ATXN10: variants seen among roughly 807,000 people sequenced by gnomAD.
The protein encoded by ATXN10 is ataxin 10, also known as ataxin-10.
Under a neutral mutation model 52.9 loss-of-function variants are expected in ATXN10, and 28 were observed. The ratio of observed to expected loss-of-function variants is 0.53; its 90% CI spans 0.39 to 0.73. ATXN10 has a LOEUF of 0.73. ATXN10 is among the 30% of genes least tolerant of loss of function. The probability of loss-of-function intolerance (pLI) is 0.00; values close to 1 mark genes in which losing one functional copy is unlikely to be tolerated. For missense variants in ATXN10, 565 were observed against 577.0 expected (o/e 0.98, Z 0.21); for synonymous variants, 226 against 221.5 (o/e 1.02, Z -0.18).
intron 9 of ATXN10, among the ~76,000 whole-genome samples, chr22:45,741,139 G>A (rs540680763): frequency 3.3e-5 from 5 of 152,198 alleles, no homozygotes; most frequent in South Asian, 4.1e-4. Flanking sequence ...GTTTTACTTC[G>A]GGTGGCATTT....
At chr22:45,793,261 G>A (rs1469638148) in intron 9 of ATXN10, 1 of 161,698 alleles carries the variant, frequency 6.2e-6, no homozygotes, top group Non-Finnish European at 1.4e-5. Flanking sequence ...GCATCTCCTA[G>A]TCAGTTGTGA....
intron 6 of ATXN10, among the ~76,000 whole-genome samples, chr22:45,724,061 TCA>T (rs2146782221): frequency 7.3e-6 from 1 of 136,870 alleles, no homozygotes; most frequent in East Asian, 2.2e-4. Flanking sequence ...TATATATATA[TCA>T]CGTTTTCTTT....
intron 9 of ATXN10, among the ~76,000 whole-genome samples, chr22:45,751,763 A>AAAAAAAAAAATAAT: frequency 1.5e-4 from 10 of 66,628 alleles, no homozygotes; most frequent in South Asian, 3.8e-4. Context: ...AATAAAAAAA[A>AAAAAAAAAAATAAT]AATAATAATA....
At position 45,811,644 on chromosome 22, in the gene ATXN10, A is replaced by C. The variant is rs1223513014; in HGVS notation, c.1237+4622A>C. The C allele has an allele frequency of 1.1e-4, 49 of 457,776 alleles. 1 individual carries two copies. Among genetic ancestry groups the C allele is most frequent in the South Asian group, 7.4e-4 (46 of 61,960 alleles). 28.4% of individuals were successfully genotyped at this position (457,776 alleles called of 1,614,324 possible). On this transcript the variant is annotated intron_variant, in intron 10 of 11. Coordinates refer to ENST00000252934, the MANE Select transcript of ATXN10 (RefSeq NM_013236.4). ...AGGTTACTAGGTAATATAGCCTAGA[A>C]TGTGAGTACATTCTGTGATGTTCAC...
At chr22:45,834,929 C>T (rs936054607) in intron 10 of ATXN10, among the ~76,000 whole-genome samples, 1 of 152,178 alleles carries the variant, frequency 6.6e-6, no homozygotes, top group African/African-American at 2.4e-5. Flanking sequence ...AAAACCCTTT[C>T]GTGTGGTTTA....
At chr22:45,777,819 T>TCTGCTTTATAGCCTAAAAATG (rs1927013275) in intron 9 of ATXN10, among the ~76,000 whole-genome samples, 1 of 152,246 alleles carries the variant, frequency 6.6e-6, no homozygotes, top group Non-Finnish European at 1.5e-5. Context: ...GAATTGAGAT[T>TCTGCTTTATAGCCTAAAAATG]CTGCTTTATA....
At chr22:45,779,895 A>G (rs978742905) in intron 9 of ATXN10, among the ~76,000 whole-genome samples, 1 of 152,178 alleles carries the variant, frequency 6.6e-6, no homozygotes, top group Non-Finnish European at 1.5e-5. Context: ...ATATTTAGGA[A>G]TTAATAATGT....
chr22:45,808,690 A>G (rs1262579248), intron 10 of ATXN10, among the ~76,000 whole-genome samples: 1 of 152,178 alleles, frequency 6.6e-6, no homozygotes, highest in Non-Finnish European at 1.5e-5. Flanking sequence ...TCAGAACCAG[A>G]TTTTATACAT....
chr22:45,823,449 C>T lies in ATXN10; in HGVS notation c.1237+16427C>T, dbSNP rs934811199. Among the ~76,000 whole-genome samples the T allele has an allele frequency of 2.0e-5, 3 of 152,122 alleles. No homozygotes were observed. The highest frequency in any genetic ancestry group is 6.5e-5 in the Admixed American group (1 of 15,280). ...TTCTGTCTTTTTTTAATTTCCCCTG[C>T]GATTATGCAGTTGTTTCCGTTTCAG... On this transcript the variant is annotated intron_variant, in intron 10 of 11. Coordinates refer to ENST00000252934, the MANE Select transcript of ATXN10 (RefSeq NM_013236.4). The surrounding 1 kb of genome is among the most constrained non-coding windows in gnomAD (Gnocchi z 4.9).
rs1329121088 is a variant in ATXN10 at position 45,763,521 on chromosome 22, TG to T, written c.1173+22984del. 3.3e-5 allele frequency among the ~76,000 whole-genome samples: 5 copies of T among 152,038 alleles called. No individual in the cohort carries two copies. Among genetic ancestry groups the T allele is most frequent in the African/African-American group, 1.2e-4 (5 of 41,386 alleles). ...AGTGTGTGGCTGCTGCACCCTCAGGTGTTTGCTCATCTCCTCACAGGTCTTT... is the reference window on the plus strand; with the variant it reads ...AGTGTGTGGCTGCTGCACCCTCAGGTTTTGCTCATCTCCTCACAGGTCTTT... On this transcript the variant is annotated intron_variant, in intron 9 of 11. Coordinates refer to ENST00000252934, the MANE Select transcript of ATXN10 (RefSeq NM_013236.4). This position sits in a 1 kb window ranked among gnomAD's most constrained non-coding sequence, Gnocchi z 6.9.
chr22:45,741,107 C>T (rs752053525), intron 9 of ATXN10, among the ~76,000 whole-genome samples: 1 of 152,122 alleles, frequency 6.6e-6, no homozygotes, highest in African/African-American at 2.4e-5. Context: ...AGATTGATCT[C>T]GCCTTTCTGT....
chr22:45,685,109 TCA>T lies in ATXN10; in HGVS notation c.117-4602_117-4601del, dbSNP rs1291195168. On this transcript the variant is annotated intron_variant, in intron 1 of 11. Transcript: ENST00000252934. ...CTAGCATGTAGCTTTTTTTTTTTTTTCAGTAGGAGGTCCCACCTGATGATTGA... is the reference window on the plus strand; with the variant it reads ...CTAGCATGTAGCTTTTTTTTTTTTTTGTAGGAGGTCCCACCTGATGATTGA... Among the ~76,000 whole-genome samples the T allele has an allele frequency of 4.3e-5, 6 of 138,396 alleles. No homozygotes were observed. In the East Asian group the frequency reaches 1.2e-3, roughly 29 times the overall value. The allele number at this position is 138,396 out of a possible 152,430, so 90.8% of individuals were successfully genotyped here.
intron 9 of ATXN10, chr22:45,792,807 A>G (rs1056813447): frequency 2.3e-5 from 12 of 530,164 alleles, no homozygotes; most frequent in Non-Finnish European, 4.6e-5. Context: ...ATCATTCTGT[A>G]CTTTGAATAA....
rs1926235666 is a variant in ATXN10 at position 45,757,980 on chromosome 22, A to T, written c.1173+17442A>T. 6.6e-6 allele frequency among the ~76,000 whole-genome samples: 1 copy of T among 152,244 alleles called. No homozygotes were observed. Among genetic ancestry groups the T allele is most frequent in the African/African-American group, 2.4e-5 (1 of 41,462 alleles). The stretch of plus-strand genomic sequence containing the variant: ...GAAGAAAAAAAGTTGAGCTTTTGTG[A>T]TGACACACAAATTCAAACTAAATTT... On this transcript the variant is annotated intron_variant, in intron 9 of 11. Coordinates refer to ENST00000252934, the MANE Select transcript of ATXN10 (RefSeq NM_013236.4). The surrounding 1 kb of genome is among the most constrained non-coding windows in gnomAD (Gnocchi z 4.6).
In ATXN10 at chr22:45,811,518, T is replaced by C. The variant is rs184241855; in HGVS notation, c.1237+4496T>C. 3.9e-5 allele frequency among the ~76,000 whole-genome samples: 6 copies of C among 152,330 alleles called. No individual in the cohort carries two copies. In the East Asian group the frequency reaches 5.8e-4, roughly 15 times the overall value. On this transcript the variant is annotated intron_variant, in intron 10 of 11. Coordinates refer to ENST00000252934, the MANE Select transcript of ATXN10 (RefSeq NM_013236.4). ...CTATGTTTAGATACACAGATACTTA[T>C]CATTGTATTATAGGCACCTACAGTA...
rs959795956 is a variant in ATXN10, at chr22:45,805,285, G to T, written c.1174-1674G>T. On this transcript the variant is annotated intron_variant, in intron 9 of 11. Coordinates refer to ENST00000252934, the MANE Select transcript of ATXN10 (RefSeq NM_013236.4). The surrounding 1 kb of genome is among the most constrained non-coding windows in gnomAD (Gnocchi z 4.4). ...AAATGTAAAATACTGTAAACACTGT[G>T]AAAACAGTCTGGCTGTTCCTCAAAT... Among the ~76,000 whole-genome samples the T allele has an allele frequency of 2.0e-5, 3 of 152,186 alleles. No homozygotes were observed. The highest frequency in any genetic ancestry group is 7.2e-5 in the African/African-American group (3 of 41,442).
chr22:45,713,178 C>T (rs947176249), intron 5 of ATXN10, among the ~76,000 whole-genome samples: 3 of 152,068 alleles, frequency 2.0e-5, no homozygotes, highest in Admixed American at 1.3e-4. Flanking sequence ...ATGTGCTCCT[C>T]GATGCCCACA....
intron 9 of ATXN10, among the ~76,000 whole-genome samples, chr22:45,797,663 G>A (rs1569069103): frequency 6.6e-6 from 1 of 152,154 alleles, no homozygotes; most frequent in Non-Finnish European, 1.5e-5. Context: ...TTAAACCAAT[G>A]TAAGTAGAAG....
At chr22:45,794,740 A>G (rs1051787694) in intron 9 of ATXN10, among the ~76,000 whole-genome samples, 2 of 152,246 alleles carry the variant, frequency 1.3e-5, no homozygotes, top group Admixed American at 6.5e-5. Flanking sequence ...TCCTTCAAAA[A>G]TGAAGGTCAA....
Sources: gnomAD v4.1 joint callset for allele counts (sites outside exome capture counted in the v4.1 genomes callset) on GRCh38, gnomAD v4.1.1 for gene constraint, Gnocchi (gnomAD v3.1) non-coding constraint, MANE v1.5 for transcripts, NCBI Gene and HGNC (gene_info 2026-07-23, HGNC 2026-07-21) for gene names.